Variants in DNAJC16 observed in about 807,000 individuals in gnomAD.
DNAJC16 encodes the protein DnaJ heat shock protein family (Hsp40) member C16.
DNAJC16 carries 76 observed loss-of-function variants against 92.7 expected under a neutral mutation model. The ratio of observed to expected loss-of-function variants is 0.82; its 90% CI spans 0.68 to 0.99. The LOEUF is 0.99. Among genes scored for constraint, DNAJC16 ranks in the 50% least tolerant of loss-of-function variants. The pLI is 0.00. For missense variants in DNAJC16, 869 were observed against 942.4 expected, an observed-to-expected ratio of 0.92 and a Z score of 1.02; for synonymous variants, 328 against 358.7, an observed-to-expected ratio of 0.91 and a Z score of 0.97.
chr1:15,564,490 A>C, intron 11 of DNAJC16, 131 bp downstream of exon 11: 1 of 610,730 alleles, frequency 1.6e-6, no homozygotes, highest in East Asian at 2.9e-5. Flanking sequence ...ACGTTTACAC[A>C]TTTTCTATTC....
At chr1:15,531,373 T>C (rs1240221988) in intron 2 of DNAJC16, among the ~76,000 whole-genome samples, 1 of 152,236 alleles carries the variant, frequency 6.6e-6, no homozygotes, top group Non-Finnish European at 1.5e-5. Context: ...AAATCCAGAA[T>C]TGGATGCCAA....
intron 2 of DNAJC16, among the ~76,000 whole-genome samples, chr1:15,533,530 A>G (rs906704772): frequency 6.6e-6 from 1 of 152,212 alleles, no homozygotes; most frequent in Non-Finnish European, 1.5e-5. Flanking sequence ...CGGGAGGCTG[A>G]GGCAAGAGAA....
At chr1:15,547,878 C>T (rs1271334539) in intron 6 of DNAJC16, among the ~76,000 whole-genome samples, 1 of 152,130 alleles carries the variant, frequency 6.6e-6, no homozygotes, top group Non-Finnish European at 1.5e-5. Flanking sequence ...CCACTACACT[C>T]CCAGCCTACC....
intron 4 of DNAJC16, among the ~76,000 whole-genome samples, chr1:15,538,598 T>G (rs1710851075): frequency 6.6e-6 from 1 of 151,858 alleles, no homozygotes; most frequent in Non-Finnish European, 1.5e-5. Context: ...GTGCCTGTAA[T>G]CCCAGCTACT....
intron 9 of DNAJC16, among the ~76,000 whole-genome samples, chr1:15,563,173 C>T (rs1011833549): frequency 1.3e-5 from 2 of 152,012 alleles, no homozygotes; most frequent in African/African-American, 4.8e-5. Context: ...GGTTATAGAG[C>T]AAAGTCTATT....
rs755072375 is a variant in DNAJC16, at chr1:15,536,477, T to C, written c.237T>C (p.Ile79=). 6.4e-7 allele frequency: 1 copy of C among 1,572,150 alleles called. No homozygotes were observed. The highest frequency in any genetic ancestry group is 2.2e-5 in the East Asian group (1 of 44,486). The stretch of plus-strand genomic sequence containing the variant: ...TAGATTTTTTTCTTCCTTTATAGAT[T>C]CTTTCAAATGAAGAAAAGAGATCAA... The part of the protein sequence containing the change: ...KFIQISKAYE[I]LSNEEKRSNY... Residue 79 remains isoleucine (I), a splice_region_variant and synonymous_variant, in exon 4 of 15, where the codon ATT becomes ATC. Coordinates refer to ENST00000375847, the MANE Select transcript of DNAJC16 (RefSeq NM_015291.4).
intron 6 of DNAJC16, among the ~76,000 whole-genome samples, 161 bp from the exon 7 acceptor site, chr1:15,548,109 A>G (rs1159303014): frequency 6.6e-6 from 1 of 152,214 alleles, no homozygotes; most frequent in Non-Finnish European, 1.5e-5. Context: ...TTGCACATGG[A>G]ACACCATAGA....
intron 6 of DNAJC16, among the ~76,000 whole-genome samples, chr1:15,547,614 T>C (rs529688860): frequency 6.6e-5 from 10 of 151,374 alleles, no homozygotes; most frequent in Middle Eastern, 3.4e-3. Context: ...GGCTAATTTT[T>C]GTGTTTTAGT....
rs1241980477 is a variant in DNAJC16 at position 15,567,229 on chromosome 1, C to T, written c.1909C>T (p.Leu637=). 6.2e-7 allele frequency: 1 copy of T among 1,613,786 alleles called. No homozygotes were observed. Among genetic ancestry groups the T allele is most frequent in the South Asian group, 1.1e-5 (1 of 91,052 alleles). Residue 637 remains leucine, a synonymous_variant, in exon 14 of 15, where the codon CTA becomes TTA. Transcript: ENST00000375847. Reference sequence around the variant, plus strand: ...CCTGTCGAATTCTACCAAGACCAGCCTACTACAGAAATTTGCTTTGGAGGT... The same window carrying T: ...CCTGTCGAATTCTACCAAGACCAGCTTACTACAGAAATTTGCTTTGGAGGT... ...LILSNSTKTS[L]LQKFALEVYT...
At chr1:15,534,651 G>C (rs952421097) in intron 3 of DNAJC16, among the ~76,000 whole-genome samples, 7 of 152,164 alleles carry the variant, frequency 4.6e-5, no homozygotes, top group Non-Finnish European at 1.0e-4. Flanking sequence ...CTTGAACCCG[G>C]GAGTGGGAGG....
chr1:15,562,428 T>C (rs537093895), intron 9 of DNAJC16, 103 bp downstream of exon 9: 9 of 1,176,744 alleles, frequency 7.6e-6, no homozygotes, highest in Non-Finnish European at 1.0e-5. Context: ...TTCTAGGAAA[T>C]CTGAAACTCT....
chr1:15,564,478 GA>G, intron 11 of DNAJC16, 119 bp downstream of exon 11: 1 of 701,064 alleles, frequency 1.4e-6, no homozygotes, highest in Non-Finnish European at 2.5e-6. Flanking sequence ...GCAAGTGGAA[GA>G]ACGTTTACAC....
chr1:15,556,422 G>A (rs868831977), intron 7 of DNAJC16, among the ~76,000 whole-genome samples: 18 of 152,054 alleles, frequency 1.2e-4, no homozygotes, highest in African/African-American at 4.1e-4. Context: ...TTTTTTAGTC[G>A]AGGAGGGGTT....
In DNAJC16 at chr1:15,536,898, T is replaced by TGGA; in HGVS notation, c.574+86_574+88dup. The TGGA allele has an allele frequency of 4.9e-6, 6 of 1,221,802 alleles. No individual in the cohort carries two copies. The South Asian group carries it at 9.5e-5, about 19-fold the overall frequency. The allele number at this position is 1,221,802 out of a possible 1,614,324, so 75.7% of individuals were successfully genotyped here. A position where few individuals can be genotyped will look rare whatever the true frequency, so the allele number is the denominator to read the frequency against. On this transcript the variant is annotated intron_variant, in intron 4 of 14. Coordinates refer to ENST00000375847, the MANE Select transcript of DNAJC16 (RefSeq NM_015291.4). ...TGGAGTCTTGCTCTGTTGCCCAGGC[T>TGGA]GGAGTACAGTGGTGTGATCTCGGCT...
At chr1:15,533,390 G>A (rs1710704248) in intron 2 of DNAJC16, among the ~76,000 whole-genome samples, 1 of 152,220 alleles carries the variant, frequency 6.6e-6, no homozygotes, top group African/African-American at 2.4e-5. Context: ...ACTTTTGGAG[G>A]CCGAGACAGG....
rs999031806 is a variant in DNAJC16 at position 15,570,845 on chromosome 1, T to C, written c.*2668T>C. ...TGTGCCACCATTGCTCTGTCTGATG[T>C]ATGTAATCATACAAGACCTGATTTT... On this transcript the variant is annotated 3_prime_UTR_variant, in exon 15 of 15. Transcript: ENST00000375847. The C allele has an allele frequency of 2.0e-5, 3 of 152,224 alleles. No homozygotes were observed. Among genetic ancestry groups the C allele is most frequent in the Non-Finnish European group, 4.4e-5 (3 of 68,046 alleles). 9.4% of individuals were successfully genotyped at this position (152,224 alleles called of 1,614,324 possible).
rs886612868 is a variant in DNAJC16 at position 15,568,731 on chromosome 1, A to C, written c.*554A>C. On this transcript the variant is annotated 3_prime_UTR_variant, in exon 15 of 15. Transcript: ENST00000375847. ...GGTTGTTCTGGGAGTAAGTGGCTAA[A>C]TGTATATTTTGGGGGTATCCCCCAA... 5.0e-6 allele frequency: 2 copies of C among 398,852 alleles called. No individual in the cohort carries two copies. The highest frequency in any genetic ancestry group is 2.1e-5 in the African/African-American group (1 of 48,650). 24.7% of individuals were successfully genotyped at this position (398,852 alleles called of 1,614,324 possible). A position where few individuals can be genotyped will look rare whatever the true frequency, so the allele number is the denominator to read the frequency against.
chr1:15,567,839 T>C lies in DNAJC16; in HGVS notation c.2011T>C (p.Leu671=), dbSNP rs538587001. The change falls in exon 15 of 15, where the codon TTA becomes CTA. Residue 671 remains leucine (L), a synonymous_variant. Coordinates refer to ENST00000375847, the MANE Select transcript of DNAJC16 (RefSeq NM_015291.4). ...LDKHREWLEY[L]LEFAQDAAPI... is the part of the protein sequence containing the mutation. ...TAAACACAGAGAATGGCTAGAATAC[T>C]TACTAGAATTTGCTCAAGATGCAGC... 1.9e-6 allele frequency: 3 copies of C among 1,614,190 alleles called. No homozygotes were observed. In the South Asian group the frequency reaches 3.3e-5, roughly 18 times the overall value.
At chr1:15,567,353 G>A in intron 14 of DNAJC16, 84 bp downstream of exon 14, 1 of 1,425,808 alleles carries the variant, frequency 7.0e-7, no homozygotes. Context: ...TTTCTCTTTG[G>A]TCTTGTGGGG....
Sources: allele counts gnomAD v4.1 joint callset (sites outside exome capture counted in the v4.1 genomes callset), GRCh38; gene constraint gnomAD v4.1.1; transcripts MANE v1.5; gene names NCBI Gene and HGNC (gene_info 2026-07-23, HGNC 2026-07-21).